Variants in RARB observed in about 807,000 individuals in gnomAD.
The protein encoded by RARB is HBV-activated protein.
In RARB, 17 loss-of-function variants were observed where a neutral mutation model predicts 51.9. That is an observed-to-expected ratio of 0.33 (90% CI 0.22 to 0.49). The LOEUF is 0.49. RARB is among the 20% of genes least tolerant of loss of function. The pLI, the probability that RARB is intolerant of heterozygous loss-of-function variation, is 0.99. For missense variants in RARB, 369 were observed against 550.8 expected, an observed-to-expected ratio of 0.67 and a Z score of 3.30; for synonymous variants, 215 against 195.4, an observed-to-expected ratio of 1.10 and a Z score of -0.84.
intron 3 of RARB, among the ~76,000 whole-genome samples, chr3:25,506,274 A>AAAAG (rs1559440305): frequency 2.0e-5 from 3 of 150,080 alleles, no homozygotes; most frequent in Non-Finnish European, 3.0e-5. Context: ...AAAAAAAAAA[A>AAAAG]AACCAGCTCT....
At chr3:25,360,523 C>T (rs1218571915) in intron 5 of RARB, among the ~76,000 whole-genome samples, 1 of 152,076 alleles carries the variant, frequency 6.6e-6, no homozygotes, top group Non-Finnish European at 1.5e-5. Context: ...AATTATGATG[C>T]CAGCTGGTTA....
intron 5 of RARB, among the ~76,000 whole-genome samples, chr3:25,280,102 A>G (rs1703485322): frequency 6.6e-6 from 1 of 152,220 alleles, no homozygotes; most frequent in Non-Finnish European, 1.5e-5. Context: ...AAGGAAATGA[A>G]GACCCAAAGA....
intron 2 of RARB, among the ~76,000 whole-genome samples, chr3:25,467,338 G>C (rs1695481162): frequency 1.3e-5 from 2 of 152,308 alleles, no homozygotes; most frequent in South Asian, 4.1e-4. Context: ...TTCTTGTCTT[G>C]GCTGACTTGG....
chr3:25,576,569 C>G (rs1036167317), intron 4 of RARB, among the ~76,000 whole-genome samples: 9 of 152,308 alleles, frequency 5.9e-5, no homozygotes, highest in Middle Eastern at 3.4e-3. Context: ...GCTCAGGAAT[C>G]TTAGACGATG....
At chr3:25,205,805 C>G (rs1701525843) in intron 5 of RARB, among the ~76,000 whole-genome samples, 2 of 151,620 alleles carry the variant, frequency 1.3e-5, no homozygotes. Context: ...TGCAGTGGTG[C>G]AATTATGGCT....
rs759031895 is a variant in RARB, at chr3:25,428,713, A to G, written c.-19A>G. On this transcript the variant is annotated 5_prime_UTR_variant, in exon 1 of 8. Coordinates refer to ENST00000330688, the MANE Select transcript of RARB (RefSeq NM_000965.5). Reference sequence around the variant, plus strand: ...CTAGAGGATAAGCACTTTTGCAGACATTCAGTGCAAGGGAGATCATGTTTG... The same window carrying G: ...CTAGAGGATAAGCACTTTTGCAGACGTTCAGTGCAAGGGAGATCATGTTTG... 1 of 1,598,204 alleles carries G rather than the reference A, an allele frequency of 6.3e-7. No homozygotes were observed. The highest frequency in any genetic ancestry group is 8.6e-7 in the Non-Finnish European group (1 of 1,167,546).
intron 2 of RARB, among the ~76,000 whole-genome samples, chr3:24,976,738 T>C (rs1696521754): frequency 6.6e-6 from 1 of 152,238 alleles, no homozygotes; most frequent in Admixed American, 6.5e-5. Context: ...GTAGTTTATT[T>C]TGCTGTGCAG....
At chr3:24,909,445 C>T (rs1386146874) in intron 2 of RARB, among the ~76,000 whole-genome samples, 1 of 152,146 alleles carries the variant, frequency 6.6e-6, no homozygotes, top group Admixed American at 6.5e-5. Flanking sequence ...CGGGTGAATG[C>T]AGTGAGCTAT....
intron 2 of RARB, among the ~76,000 whole-genome samples, chr3:24,871,569 C>T (rs2125349595): frequency 6.6e-6 from 1 of 152,262 alleles, no homozygotes; most frequent in Middle Eastern, 3.4e-3. Context: ...CATTTATCAA[C>T]ATTTACGTTC....
In RARB at chr3:25,494,250, T is replaced by TACACACACACACACACAC. The variant is rs142658742; in HGVS notation, c.307-6930_307-6929insACACACACACACACACAC. 2.1e-3 allele frequency among the ~76,000 whole-genome samples: 289 copies of TACACACACACACACACAC among 137,164 alleles called. 4 individuals are homozygous for TACACACACACACACACAC. The highest frequency in any genetic ancestry group is 6.8e-3 in the African/African-American group (264 of 38,740). The allele number at this position is 137,164 out of a possible 152,430, so 90.0% of individuals were successfully genotyped here. On this transcript the variant is annotated intron_variant, in intron 2 of 7. Transcript: ENST00000330688. The stretch of plus-strand genomic sequence containing the variant: ...TTAGCCCCCTTTTCCAGCTGTATCT[T>TACACACACACACACACAC]ACGCACACACACACACACACACACA...
Position 24,880,851 on chromosome 3 carries a change from T to C in RARB, c.-380+22099T>C, listed in dbSNP as rs115900582. ...AAAATGTTGTGTTACTGTGAACTTA[T>C]GTTAAATATGTTTAATTCTTTTTCC... is the stretch of plus-strand genomic sequence containing the variant. On this transcript the variant is annotated intron_variant, in intron 2 of 11. Transcript: ENST00000383772. Among the ~76,000 whole-genome samples, 888 of 152,368 alleles carry C rather than the reference T, an allele frequency of 5.8e-3. 4 individuals are homozygous for C. Among genetic ancestry groups the C allele is most frequent in the Non-Finnish European group, 9.3e-3 (633 of 68,030 alleles).
At chr3:25,556,162 C>A (rs923817431) in intron 3 of RARB, among the ~76,000 whole-genome samples, 1 of 152,040 alleles carries the variant, frequency 6.6e-6, no homozygotes, top group African/African-American at 2.4e-5. Flanking sequence ...GAAATAAATA[C>A]CTGAGAATTA....
intron 5 of RARB, among the ~76,000 whole-genome samples, chr3:25,298,606 G>A (rs531104272): frequency 1.3e-5 from 2 of 152,060 alleles, no homozygotes; most frequent in Non-Finnish European, 1.5e-5. Context: ...TTTTAGTCCC[G>A]GGTATGACAC....
intron 2 of RARB, among the ~76,000 whole-genome samples, chr3:25,484,958 C>A (rs1247921535): frequency 1.3e-5 from 2 of 152,056 alleles, no homozygotes. Context: ...GTCTTAGCTT[C>A]CTTCATTTAT....
intron 5 of RARB, among the ~76,000 whole-genome samples, chr3:25,177,099 C>G (rs912679042): frequency 6.6e-6 from 1 of 152,170 alleles, no homozygotes; most frequent in Admixed American, 6.5e-5. Flanking sequence ...ACTTCATACC[C>G]TAATACCTTG....
At chr3:25,209,563 C>A (rs1482593303) in intron 5 of RARB, among the ~76,000 whole-genome samples, 1 of 152,146 alleles carries the variant, frequency 6.6e-6, no homozygotes, top group Admixed American at 6.5e-5. Flanking sequence ...GGGAGGCAGA[C>A]CCATGGATAC....
Position 25,210,671 on chromosome 3 carries a change from G to A in RARB, c.178+36096G>A, listed in dbSNP as rs1393070265. ...GTGCCTCAGTCTCCTGAGTAACTGG[G>A]GTTGCAGGGCACACCACCATGCCTT... On this transcript the variant is annotated intron_variant, in intron 5 of 11. Coordinates refer to the RARB transcript ENST00000383772. 2.6e-5 allele frequency among the ~76,000 whole-genome samples: 4 copies of A among 150,952 alleles called. No individual in the cohort carries two copies. In the East Asian group the frequency reaches 5.9e-4, roughly 22 times the overall value.
At chr3:24,882,193 A>G (rs1027287311) in intron 2 of RARB, among the ~76,000 whole-genome samples, 3 of 152,242 alleles carry the variant, frequency 2.0e-5, no homozygotes, top group African/African-American at 7.2e-5. Flanking sequence ...TTTAAAGAAG[A>G]TATAGCAGAA....
At chr3:25,247,848 A>T (rs1244024050) in intron 5 of RARB, among the ~76,000 whole-genome samples, 1 of 152,234 alleles carries the variant, frequency 6.6e-6, no homozygotes, top group African/African-American at 2.4e-5. Flanking sequence ...GGGAATGTGT[A>T]TACTGTAGCT....
Sources: gnomAD v4.1 joint callset for allele counts (sites outside exome capture counted in the v4.1 genomes callset) on GRCh38, gnomAD v4.1.1 for gene constraint, MANE v1.5 for transcripts, NCBI Gene and HGNC (gene_info 2026-07-23, HGNC 2026-07-21) for gene names.